The following ZNF107 variants were observed in gnomAD, a reference collection of about 807,000 sequenced individuals.
ZNF107 encodes the protein C2H2 type zinc-finger protein.
ZNF107 carries 19 observed loss-of-function variants against 12.3 expected under a neutral mutation model. That is an observed-to-expected ratio of 1.55 (90% CI 1.08 to 2.27). ZNF107 has a LOEUF of 2.27. Among genes scored for constraint, ZNF107 ranks in the 30% most tolerant of loss-of-function variants. ZNF107 has a pLI of 0.00. For missense variants in ZNF107, 958 were observed against 979.9 expected (o/e 0.98, Z 0.30); for synonymous variants, 317 against 330.5 (o/e 0.96, Z 0.44).
chr7:64,684,676 T>C (rs902243711), intron 1 of ZNF107: 11 of 985,446 alleles, frequency 1.1e-5, no homozygotes, highest in Non-Finnish European at 1.3e-5. Context: ...AGACATCTCC[T>C]GGTTTCATCC....
intron 2 of ZNF107, 74 bp downstream of exon 2, chr7:64,691,448 CTGGT>C: frequency 7.9e-7 from 1 of 1,267,840 alleles, no homozygotes. Flanking sequence ...AGACTGTTTT[CTGGT>C]AATTTATGCT....
At position 64,666,330 on chromosome 7, in the gene ZNF107, G is replaced by T. The variant is rs1301280766; in HGVS notation, c.3+45G>T. The T allele has an allele frequency of 2.5e-6, 4 of 1,603,290 alleles. No homozygotes were observed. The African/African-American group carries it at 4.0e-5, about 16-fold the overall frequency. ...CATCCCGAGAGAGGGGGAGGGGCTG[G>T]TTGGAACCGATCGGAAGTGGCTGTG... On this transcript the variant is annotated intron_variant, in intron 1 of 3. Transcript: ENST00000620827.
chr7:64,708,177 A>G lies in ZNF107; in HGVS notation c.2080A>G (p.Ile694Val), dbSNP rs149910078. 9 of 1,611,974 alleles carry G rather than the reference A, an allele frequency of 5.6e-6. No homozygotes were observed. In the Admixed American group the frequency reaches 6.7e-5, roughly 12 times the overall value. ...KAYNRFSNLT[I>V]HKRIHTGEKP... ...TTATAACCGATTCTCAAACCTAACT[A>G]TACATAAGAGAATTCATACGGGAGA... is the stretch of plus-strand genomic sequence containing the variant. The change falls in exon 4 of 4, where the codon ATA becomes GTA. Residue 694 changes from isoleucine to valine, a missense_variant. Physicochemically the swap from Ile to Val is conservative, Grantham distance 29. Coordinates refer to ENST00000620827, the MANE Select transcript of ZNF107 (RefSeq NM_001282359.2).
chr7:64,678,210 A>G (rs1299877761), intron 1 of ZNF107, among the ~76,000 whole-genome samples: 3 of 152,230 alleles, frequency 2.0e-5, no homozygotes, highest in African/African-American at 7.2e-5. Flanking sequence ...TGTTTAAATC[A>G]AAACTCATTT....
Position 64,708,689 on chromosome 7 carries a change from T to C in ZNF107, c.*33T>C. ...TACAAGCTTACTACACATAGGAAAATTCATACTGGAGAGAAACTACAAATG... is the reference window on the plus strand; with the variant it reads ...TACAAGCTTACTACACATAGGAAAACTCATACTGGAGAGAAACTACAAATG... On this transcript the variant is annotated 3_prime_UTR_variant, in exon 4 of 4. Transcript: ENST00000620827. The C allele has an allele frequency of 6.4e-7, 1 of 1,553,826 alleles. No individual in the cohort carries two copies. The highest frequency in any genetic ancestry group is 8.7e-7 in the Non-Finnish European group (1 of 1,148,090).
chr7:64,682,442 C>T (rs1198157484), intron 1 of ZNF107, among the ~76,000 whole-genome samples: 1 of 152,080 alleles, frequency 6.6e-6, no homozygotes, highest in Non-Finnish European at 1.5e-5. Flanking sequence ...TAGCTGACCC[C>T]ATAGACCCCA....
At position 64,709,183 on chromosome 7, in the gene ZNF107, G is replaced by T; in HGVS notation, c.*527G>T. 1 of 421,802 alleles carries T rather than the reference G, an allele frequency of 2.4e-6. No individual in the cohort carries two copies. The highest frequency in any genetic ancestry group is 1.9e-5 in the South Asian group (1 of 52,014). 26.1% of individuals were successfully genotyped at this position (421,802 alleles called of 1,614,324 possible). ...TTCCTTAACCCTTAACTGTAGATAA[G>T]AAAATTCATACTGGAAAGAAACCCT... is the stretch of plus-strand genomic sequence containing the variant. On this transcript the variant is annotated 3_prime_UTR_variant, in exon 4 of 4. Coordinates refer to ENST00000620827, the MANE Select transcript of ZNF107 (RefSeq NM_001282359.2).
chr7:64,671,816 C>T (rs1789238467), intron 1 of ZNF107, among the ~76,000 whole-genome samples: 1 of 134,330 alleles, frequency 7.4e-6, no homozygotes, highest in East Asian at 2.2e-4. Flanking sequence ...GAGTCTCGCT[C>T]TGTTGCCCAG....
chr7:64,697,531 G>C lies in ZNF107; in HGVS notation c.226+5571G>C, dbSNP rs1394300365. On this transcript the variant is annotated intron_variant, in intron 3 of 3. Coordinates refer to ENST00000620827, the MANE Select transcript of ZNF107 (RefSeq NM_001282359.2). ...TGTGTTTATAAGTAAAGGAACACCT[G>C]GGTTCCTTCAGCCTTTTGGCTTTTG... Among the ~76,000 whole-genome samples the C allele has an allele frequency of 2.0e-5, 3 of 152,096 alleles. No homozygotes were observed. The East Asian group carries it at 5.8e-4, about 29-fold the overall frequency.
intron 3 of ZNF107, among the ~76,000 whole-genome samples, chr7:64,696,404 C>G (rs751264568): frequency 1.2e-4 from 18 of 151,942 alleles, no homozygotes; most frequent in Non-Finnish European, 2.6e-4. Flanking sequence ...TTTCCCAGCT[C>G]TTTGGGAGAT....
intron 1 of ZNF107, chr7:64,690,276 G>T: frequency 1.4e-6 from 1 of 734,884 alleles, no homozygotes; most frequent in Non-Finnish European, 1.7e-6. Flanking sequence ...AAAACCCCAG[G>T]AGATTTGTTT....
intron 1 of ZNF107, among the ~76,000 whole-genome samples, chr7:64,674,909 T>C (rs1435532107): frequency 6.6e-6 from 1 of 152,240 alleles, no homozygotes; most frequent in African/African-American, 2.4e-5. Flanking sequence ...ATCACATTTA[T>C]TGATTTGTGT....
At chr7:64,681,476 A>G (rs1554347026) in intron 1 of ZNF107, among the ~76,000 whole-genome samples, 1 of 151,620 alleles carries the variant, frequency 6.6e-6, no homozygotes, top group Non-Finnish European at 1.5e-5. Context: ...CACTATTCCT[A>G]GGCTACAGCC....
chr7:64,668,943 C>T (rs1043521674), intron 1 of ZNF107: 5 of 148,320 alleles, frequency 3.4e-5, no homozygotes, highest in Non-Finnish European at 5.9e-5. Flanking sequence ...ACTTTTGTTA[C>T]AGTAAATACC....
intron 3 of ZNF107, among the ~76,000 whole-genome samples, chr7:64,706,103 C>T (rs769486422): frequency 2.0e-5 from 3 of 152,082 alleles, no homozygotes; most frequent in East Asian, 1.9e-4. Context: ...TTGTGCTCAC[C>T]TAGGGCACTG....
At position 64,708,083 on chromosome 7, in the gene ZNF107, AAACATTACT is replaced by A; in HGVS notation, c.1990_1998del (p.Ile664_Asn666del). 1 of 1,613,566 alleles carries A rather than the reference AAACATTACT, an allele frequency of 6.2e-7. No homozygotes were observed. Among genetic ancestry groups the A allele is most frequent in the African/African-American group, 1.3e-5 (1 of 75,000 alleles). Reference sequence around the variant, plus strand: ...ATGGAAAAGCTTTTAACCTATTCTCAAACATTACTAACCATAAGATAATTTATACTGGAG... The same window carrying A: ...ATGGAAAAGCTTTTAACCTATTCTCAAACCATAAGATAATTTATACTGGAG... On this transcript the variant is annotated inframe_deletion, in exon 4 of 4. Transcript: ENST00000620827.
intron 1 of ZNF107, chr7:64,679,423 G>A (rs2128958549): frequency 1.1e-6 from 1 of 930,728 alleles, no homozygotes; most frequent in African/African-American, 1.8e-5. Flanking sequence ...TCTAACATTG[G>A]TCATGGATTA....
chr7:64,686,724 T>TGG (rs112626759), intron 1 of ZNF107: 344,372 of 897,944 alleles, frequency 0.38, 68,021 homozygotes, highest in Non-Finnish European at 0.4. Context: ...CTGTTCCAAC[T>TGG]GGTTGATCAA....
In ZNF107 at chr7:64,693,163, T is replaced by G. The variant is rs1468520367; in HGVS notation, c.226+1203T>G. On this transcript the variant is annotated intron_variant, in intron 3 of 3. Coordinates refer to ENST00000620827, the MANE Select transcript of ZNF107 (RefSeq NM_001282359.2). ...ACAGGCGCCCTCTACCACACTCAGCTAATTTTTTTTTTTTTTTTTTTTTGT... is the reference window on the plus strand; with the variant it reads ...ACAGGCGCCCTCTACCACACTCAGCGAATTTTTTTTTTTTTTTTTTTTTGT... 1.7e-5 allele frequency among the ~76,000 whole-genome samples: 2 copies of G among 115,344 alleles called. 1 individual carries two copies. The highest frequency in any genetic ancestry group is 3.7e-5 in the Non-Finnish European group (2 of 53,984). The allele number at this position is 115,344 out of a possible 152,430, so 75.7% of individuals were successfully genotyped here. A position where few individuals can be genotyped will look rare whatever the true frequency, so the allele number is the denominator to read the frequency against.
Sources: allele counts gnomAD v4.1 joint callset (sites outside exome capture counted in the v4.1 genomes callset), GRCh38; gene constraint gnomAD v4.1.1; transcripts MANE v1.5; gene names NCBI Gene and HGNC (gene_info 2026-07-23, HGNC 2026-07-21).